Variants in PCDHGB5 observed in about 807,000 individuals in gnomAD.
PCDHGB5 encodes protocadherin gamma-B5.
Under a neutral mutation model 62.9 loss-of-function variants are expected in PCDHGB5, and 48 were observed. The observed-to-expected ratio is 0.76, with a 90% CI of 0.61 to 0.97. PCDHGB5 has a LOEUF of 0.97. Ranked by LOEUF, PCDHGB5 falls within the 50% of genes least tolerant of loss-of-function variation. The pLI is 0.00. For synonymous variants in PCDHGB5, 474 were observed against 511.2 expected (o/e 0.93, Z 0.98); for missense variants, 1,118 against 1,198.6 (o/e 0.93, Z 0.99).
Position 141,490,225 on chromosome 5 carries a change from G to A in PCDHGB5, c.2398-4582G>A, listed in dbSNP as rs2099697468. On this transcript the variant is annotated intron_variant, in intron 1 of 3. Coordinates refer to ENST00000617380, the MANE Select transcript of PCDHGB5 (RefSeq NM_018925.3). This position sits in a 1 kb window ranked among gnomAD's most constrained non-coding sequence, Gnocchi z 5.4. The stretch of plus-strand genomic sequence containing the variant: ...AAGAGCCCGTGACCAGGGACAGCCT[G>A]CCATGGAGGGCCACTGTGTGATTCA... The A allele has an allele frequency of 6.2e-7, 1 of 1,614,112 alleles. No homozygotes were observed. The highest frequency in any genetic ancestry group is 1.1e-5 in the South Asian group (1 of 91,090).
intron 1 of PCDHGB5, among the ~76,000 whole-genome samples, chr5:141,460,758 C>T (rs1292050905): frequency 6.6e-6 from 1 of 150,582 alleles, no homozygotes; most frequent in African/African-American, 2.4e-5. Context: ...TGTACATATA[C>T]ATATTGCATA....
rs1561728654 is a variant in PCDHGB5, at chr5:141,410,479, G to C, written c.2397+9955G>C. 3.7e-6 allele frequency: 6 copies of C among 1,613,838 alleles called. No homozygotes were observed. In the African/African-American group the frequency reaches 8.0e-5, roughly 22 times the overall value. ...CTTATAATCTGTGCATTGCACATAC[G>C]GGTACAAAAGAGTTTAATTTCCTAA... On this transcript the variant is annotated intron_variant, in intron 1 of 3. Coordinates refer to ENST00000617380, the MANE Select transcript of PCDHGB5 (RefSeq NM_018925.3).
chr5:141,404,300 C>T (rs749132060), intron 1 of PCDHGB5: 3 of 1,613,862 alleles, frequency 1.9e-6, no homozygotes, highest in South Asian at 2.2e-5. Flanking sequence ...TGATAATCCA[C>T]CTGCTTTCTC....
rs1050545030 is a variant in PCDHGB5, at chr5:141,410,711, A to G, written c.2397+10187A>G. The G allele has an allele frequency of 4.2e-6, 6 of 1,436,568 alleles. No individual in the cohort carries two copies. In the African/African-American group the frequency reaches 7.6e-5, roughly 18 times the overall value. The allele number at this position is 1,436,568 out of a possible 1,614,324, so 89.0% of individuals were successfully genotyped here. A position where few individuals can be genotyped will look rare whatever the true frequency, so the allele number is the denominator to read the frequency against. ...CTACTTTATTTTCATATCTAGAATC[A>G]TATGTTTAAAATCCATAGCTTTTTA... On this transcript the variant is annotated intron_variant, in intron 1 of 3. Transcript: ENST00000617380.
At chr5:141,478,333 G>C in intron 1 of PCDHGB5, 5 of 1,613,928 alleles carry the variant, frequency 3.1e-6, no homozygotes, top group Non-Finnish European at 4.2e-6. Flanking sequence ...GAACACCAGG[G>C]CCCTCCTTGC....
At chr5:141,428,448 T>C in intron 1 of PCDHGB5, 12 of 375,612 alleles carry the variant, frequency 3.2e-5, no homozygotes, top group South Asian at 2.4e-4. Flanking sequence ...CAGGGGTTTT[T>C]CCCAACTACA....
intron 1 of PCDHGB5, among the ~76,000 whole-genome samples, chr5:141,456,765 C>A (rs1468235444): frequency 2.0e-5 from 3 of 151,852 alleles, no homozygotes; most frequent in Non-Finnish European, 2.9e-5. Context: ...GAGTTTGAGA[C>A]CAGCCTGGCC....
At chr5:141,504,065 G>C (rs1291060280) in intron 2 of PCDHGB5, among the ~76,000 whole-genome samples, 2 of 152,060 alleles carry the variant, frequency 1.3e-5, no homozygotes, top group African/African-American at 2.4e-5. Context: ...AAACTTCTCT[G>C]AGCCAGATGG....
intron 1 of PCDHGB5, chr5:141,404,343 A>G (rs2094516679): frequency 3.1e-6 from 5 of 1,613,902 alleles, no homozygotes; most frequent in Non-Finnish European, 4.2e-6. Flanking sequence ...CTCCCGGAAA[A>G]CAACGCCAGA....
intron 1 of PCDHGB5, among the ~76,000 whole-genome samples, chr5:141,472,527 G>A (rs905459978): frequency 1.3e-5 from 2 of 151,468 alleles, no homozygotes; most frequent in African/African-American, 4.9e-5. Flanking sequence ...GTGACAGAGT[G>A]AGACACCATC....
chr5:141,460,983 G>A (rs12516231), intron 1 of PCDHGB5, among the ~76,000 whole-genome samples: 37,603 of 137,412 alleles, frequency 0.27, 5,103 homozygotes, highest in Admixed American at 0.34. Flanking sequence ...GTGTGTGTGT[G>A]TATATATATA....
intron 1 of PCDHGB5, among the ~76,000 whole-genome samples, chr5:141,401,937 T>A (rs531669581): frequency 2.6e-5 from 4 of 152,356 alleles, no homozygotes; most frequent in African/African-American, 7.2e-5. Flanking sequence ...TAGAATAATG[T>A]TTAAGACCAC....
At chr5:141,414,394 A>G in intron 1 of PCDHGB5, 1 of 1,613,930 alleles carries the variant, frequency 6.2e-7, no homozygotes, top group Non-Finnish European at 8.5e-7. Flanking sequence ...CAGTTATTAC[A>G]GATTGGTGAT....
At chr5:141,412,479 T>G (rs1282087411) in intron 1 of PCDHGB5, 1 of 152,180 alleles carries the variant, frequency 6.6e-6, no homozygotes, top group African/African-American at 2.4e-5. Context: ...TTTAAAAACC[T>G]CTTACACAAT....
At chr5:141,447,232 C>T (rs988057696) in intron 1 of PCDHGB5, among the ~76,000 whole-genome samples, 3 of 152,062 alleles carry the variant, frequency 2.0e-5, no homozygotes, top group East Asian at 1.9e-4. Flanking sequence ...CTCCGCCTCC[C>T]GGGTTCAAGT....
At chr5:141,481,813 G>A (rs185558948) in intron 1 of PCDHGB5, among the ~76,000 whole-genome samples, 15 of 151,942 alleles carry the variant, frequency 9.9e-5, no homozygotes, top group East Asian at 7.8e-4. Context: ...TTCACCAGGC[G>A]TGGTGGCTGA....
At chr5:141,428,117 G>T in intron 1 of PCDHGB5, 2 of 1,607,102 alleles carry the variant, frequency 1.2e-6, no homozygotes, top group East Asian at 2.2e-5. Context: ...AGGCCATCGA[G>T]CCCGGGCTTT....
chr5:141,430,151 A>T (rs774490087), intron 1 of PCDHGB5, among the ~76,000 whole-genome samples: 8 of 152,166 alleles, frequency 5.3e-5, no homozygotes, highest in Non-Finnish European at 8.8e-5. Flanking sequence ...GGATCATTCA[A>T]GGAATCTATT....
At chr5:141,405,093 T>C in intron 1 of PCDHGB5, 1 of 1,613,946 alleles carries the variant, frequency 6.2e-7, no homozygotes, top group Non-Finnish European at 8.5e-7. Flanking sequence ...CTGCTGGCCC[T>C]CAGGCTGAGG....
Sources: gnomAD v4.1 joint callset for allele counts (sites outside exome capture counted in the v4.1 genomes callset) on GRCh38, gnomAD v4.1.1 for gene constraint, Gnocchi (gnomAD v3.1) non-coding constraint, MANE v1.5 for transcripts, NCBI Gene and HGNC (gene_info 2026-07-23, HGNC 2026-07-21) for gene names.